TPTE: variants seen among roughly 807,000 people sequenced by gnomAD.
The protein encoded by TPTE is putative tyrosine-protein phosphatase TPTE.
TPTE carries 59 observed loss-of-function variants against 84.1 expected under a neutral mutation model. The observed-to-expected ratio is 0.70, with a 90% CI of 0.57 to 0.87. The LOEUF (loss-of-function observed/expected upper bound fraction) is 0.87. Among genes scored for constraint, TPTE ranks in the 40% least tolerant of loss-of-function variants. The pLI, the probability that TPTE is intolerant of heterozygous loss-of-function variation, is 0.00. For synonymous variants in TPTE, 130 were observed against 223.5 expected (o/e 0.58, Z 3.73); for missense variants, 382 against 659.6 (o/e 0.58, Z 4.61).
chr21:10,578,087 T>G (rs565519241), intron 15 of TPTE, among the ~76,000 whole-genome samples: 38 of 152,354 alleles, frequency 2.5e-4, no homozygotes, highest in African/African-American at 8.9e-4. Flanking sequence ...ATGAATAGTC[T>G]GCTAGAAAGT....
chr21:10,537,579 G>A (rs2074288392), intron 3 of TPTE, among the ~76,000 whole-genome samples: 1 of 152,244 alleles, frequency 6.6e-6, no homozygotes, highest in Non-Finnish European at 1.5e-5. Flanking sequence ...TCAGGAGGCT[G>A]AGGCAGGAGA....
At chr21:10,542,285 A>C in intron 5 of TPTE, 110 bp from the exon 6 acceptor site, 1 of 1,334,706 alleles carries the variant, frequency 7.5e-7, no homozygotes, top group Non-Finnish European at 1.1e-6. Context: ...ATACACATGA[A>C]TAGTCAGAAA....
chr21:10,522,512 G>A (rs1385507544), intron 1 of TPTE, among the ~76,000 whole-genome samples: 1 of 152,312 alleles, frequency 6.6e-6, no homozygotes, highest in Non-Finnish European at 1.5e-5. Context: ...GCTGGGACAA[G>A]TTGGAAACGG....
At chr21:10,557,377 G>A (rs2074704811) in intron 8 of TPTE, among the ~76,000 whole-genome samples, 1 of 152,310 alleles carries the variant, frequency 6.6e-6, no homozygotes, top group African/African-American at 2.4e-5. Flanking sequence ...ACTTGGTATA[G>A]TTTCAGGGTA....
chr21:10,605,643 C>A lies in TPTE; in HGVS notation c.*91C>A. ...TATCCTAAATCTATCCTAAATGTTC[C>A]TTGAAGTATTTATTTATGTTTATAT... On this transcript the variant is annotated 3_prime_UTR_variant, in exon 24 of 24. Transcript: ENST00000618007. 6.3e-7 allele frequency: 1 copy of A among 1,583,916 alleles called. No individual in the cohort carries two copies. Among genetic ancestry groups the A allele is most frequent in the Non-Finnish European group, 8.6e-7 (1 of 1,168,798 alleles).
rs1166871312 is a variant in TPTE, at chr21:10,549,446, A to G, written c.174-3211A>G. ...CAGTGAGATGTAAGGTAATACAGATAGACAAGTCAATGAAATCAGGTGAAA... is the reference window on the plus strand; with the variant it reads ...CAGTGAGATGTAAGGTAATACAGATGGACAAGTCAATGAAATCAGGTGAAA... On this transcript the variant is annotated intron_variant, in intron 7 of 23. Transcript: ENST00000618007. 1.4e-4 allele frequency among the ~76,000 whole-genome samples: 21 copies of G among 152,420 alleles called. No individual in the cohort carries two copies. The South Asian group carries it at 3.5e-3, about 26-fold the overall frequency.
At chr21:10,535,091 G>T (rs1045258207) in intron 3 of TPTE, among the ~76,000 whole-genome samples, 2 of 152,298 alleles carry the variant, frequency 1.3e-5, no homozygotes, top group East Asian at 1.9e-4. Context: ...GCTTTTTCTG[G>T]TTGCTGGCAA....
intron 1 of TPTE, among the ~76,000 whole-genome samples, chr21:10,523,702 G>A (rs2074028857): frequency 6.6e-6 from 1 of 152,298 alleles, no homozygotes; most frequent in African/African-American, 2.4e-5. Context: ...TATCATTGTT[G>A]GACATTTGGG....
At chr21:10,597,881 A>T (rs1439603789) in intron 20 of TPTE, 134 bp from the exon 21 acceptor site, 1 of 1,247,802 alleles carries the variant, frequency 8.0e-7, no homozygotes, top group Non-Finnish European at 1.1e-6. Flanking sequence ...TCCATGCAAG[A>T]CCAAATAAGT....
intron 15 of TPTE, 57 bp downstream of exon 15, chr21:10,577,577 A>T: frequency 6.2e-7 from 1 of 1,611,740 alleles, no homozygotes; most frequent in Non-Finnish European, 8.5e-7. Context: ...TACTGCACGT[A>T]AGAAGATGAT....
intron 14 of TPTE, among the ~76,000 whole-genome samples, chr21:10,573,775 C>G (rs1165080554): frequency 6.6e-6 from 1 of 152,312 alleles, no homozygotes; most frequent in Non-Finnish European, 1.5e-5. Flanking sequence ...AATTACCTGA[C>G]TTGGCTGAAT....
rs1979215346 is a variant in TPTE at position 10,605,616 on chromosome 21, T to G, written c.*64T>G. On this transcript the variant is annotated 3_prime_UTR_variant, in exon 24 of 24. Transcript: ENST00000618007. ...TCTTTCCAACCCTGCCACATGTTCA[T>G]ATATCCTAAATCTATCCTAAATGTT... 6.2e-7 allele frequency: 1 copy of G among 1,612,292 alleles called. No individual in the cohort carries two copies. Among genetic ancestry groups the G allele is most frequent in the South Asian group, 1.1e-5 (1 of 90,554 alleles).
At chr21:10,535,706 A>T (rs1377963327) in intron 3 of TPTE, among the ~76,000 whole-genome samples, 2 of 152,310 alleles carry the variant, frequency 1.3e-5, no homozygotes, top group African/African-American at 4.8e-5. Context: ...GTGACGGAGG[A>T]GTGAAGCACT....
chr21:10,599,923 T>A (rs2075657632), intron 21 of TPTE, among the ~76,000 whole-genome samples: 1 of 152,298 alleles, frequency 6.6e-6, no homozygotes, highest in South Asian at 2.1e-4. Context: ...AGTGGCATGA[T>A]CATGGCTCAC....
chr21:10,522,730 CAA>C (rs1392732015), intron 1 of TPTE, among the ~76,000 whole-genome samples: 2 of 152,300 alleles, frequency 1.3e-5, no homozygotes, highest in African/African-American at 4.8e-5. Flanking sequence ...TTCTTATACT[CAA>C]AATTTTAATT....
chr21:10,534,361 A>G (rs1043909326), intron 3 of TPTE, among the ~76,000 whole-genome samples: 1 of 152,268 alleles, frequency 6.6e-6, no homozygotes, highest in African/African-American at 2.4e-5. Context: ...TACTGTAACT[A>G]CTCCTGGGTA....
chr21:10,539,627 A>T (rs1337321883), intron 4 of TPTE, among the ~76,000 whole-genome samples: 1 of 152,308 alleles, frequency 6.6e-6, no homozygotes, highest in Non-Finnish European at 1.5e-5. Context: ...AATCATATAA[A>T]GTATGATGTG....
At chr21:10,527,973 A>T (rs2145578273) in intron 3 of TPTE, among the ~76,000 whole-genome samples, 2 of 152,428 alleles carry the variant, frequency 1.3e-5, no homozygotes, top group East Asian at 3.8e-4. Flanking sequence ...TTTGAAGGAA[A>T]TTTAAGTTAA....
In TPTE at chr21:10,603,562, A is replaced by T; in HGVS notation, c.1450A>T (p.Asn484Tyr). The stretch of plus-strand genomic sequence containing the variant: ...CTTTGAAATTTTTTTTTCTTTTTAG[A>T]ATCTTCCTACATACTATGACAATTG... ...DDVKVQFFYSNLPTYYDNCSF... is the reference protein window; with the variant it reads ...DDVKVQFFYSYLPTYYDNCSF... The change falls in exon 23 of 24, where the codon AAT (asparagine) becomes TAT (tyrosine). Residue 484 changes from asparagine (N) to tyrosine (Y), a missense_variant and splice_region_variant. Around this residue, in one of 10 missense-constraint regions of TPTE, gnomAD observed 120 missense variants for 79.1 expected, o/e 1.52. Coordinates refer to ENST00000618007, the MANE Select transcript of TPTE (RefSeq NM_199261.4). The T allele has an allele frequency of 6.2e-7, 1 of 1,609,620 alleles. No individual in the cohort carries two copies. The highest frequency in any genetic ancestry group is 1.1e-5 in the South Asian group (1 of 89,816).
Sources: allele counts gnomAD v4.1 joint callset (sites outside exome capture counted in the v4.1 genomes callset), GRCh38; gene constraint gnomAD v4.1.1; regional missense constraint gnomAD v4.1.1; transcripts MANE v1.5; gene names NCBI Gene and HGNC (gene_info 2026-07-23, HGNC 2026-07-21).